Variants in ASB4 observed in about 807,000 individuals in gnomAD.
ASB4 encodes ankyrin repeat and SOCS box protein 4.
ASB4 carries 35 observed loss-of-function variants against 38.6 expected under a neutral mutation model. The ratio of observed to expected loss-of-function variants is 0.91; its 90% confidence interval spans 0.69 to 1.20. ASB4 has a LOEUF of 1.20. ASB4 is among the 50% of genes most tolerant of loss of function. The pLI is 0.00. For missense variants in ASB4, 557 were observed against 527.2 expected (o/e 1.06, Z -0.55); for synonymous variants, 195 against 201.3 (o/e 0.97, Z 0.26).
At chr7:95,542,299 A>G (rs1790981324), downstream of ASB4, 1 of 152,230 alleles carries the variant, frequency 6.6e-6, no homozygotes, top group Admixed American at 6.5e-5. Flanking sequence ...CATTTGGTTC[A>G]TCAGAAAGGA....
chr7:95,549,484 A>G, the ASB4 span, among the ~76,000 whole-genome samples: 1 of 151,658 alleles, frequency 6.6e-6, no homozygotes, highest in African/African-American at 2.4e-5. Context: ...TTTTTAGTAG[A>G]GACAGGGTTT....
chr7:95,497,047 G>A lies in ASB4; in HGVS notation c.487+990G>A, dbSNP rs372920590. On this transcript the variant is annotated intron_variant, in intron 2 of 4. Coordinates refer to ENST00000325885, the MANE Select transcript of ASB4 (RefSeq NM_016116.3). Reference sequence around the variant, plus strand: ...GAGTATCATGGGTGTGGGGTAGGGTGGGAAGGACAAGAGGGTAGAGGGGAG... The same window carrying A: ...GAGTATCATGGGTGTGGGGTAGGGTAGGAAGGACAAGAGGGTAGAGGGGAG... 3.3e-5 allele frequency among the ~76,000 whole-genome samples: 5 copies of A among 152,114 alleles called. No individual in the cohort carries two copies. In the East Asian group the frequency reaches 9.6e-4, roughly 29 times the overall value.
rs1272303853 is a variant in ASB4, at chr7:95,528,305, T to C, written c.978+2T>C. On this transcript the variant is annotated splice_donor_variant, in intron 3 of 4. Transcript: ENST00000325885. LOFTEE classifies it high-confidence loss of function. ...ATATACCCTCCACAGTTCCATAAGG[T>C]GAGGCTCTGCCCAGTGGTCAGCAGG... The C allele has an allele frequency of 6.2e-7, 1 of 1,614,052 alleles. No individual in the cohort carries two copies. The highest frequency in any genetic ancestry group is 1.1e-5 in the South Asian group (1 of 91,074).
upstream of ASB4, among the ~76,000 whole-genome samples, chr7:95,484,124 C>T (rs1462000400): frequency 6.7e-6 from 1 of 148,696 alleles, no homozygotes; most frequent in Non-Finnish European, 1.5e-5. Context: ...ACTTAGGAGT[C>T]GGAGATCAGC....
chr7:95,516,998 G>A (rs1790592977), intron 2 of ASB4, among the ~76,000 whole-genome samples: 1 of 152,146 alleles, frequency 6.6e-6, no homozygotes, highest in South Asian at 2.1e-4. Context: ...GTCTCCACTG[G>A]ATGTTTAGTT....
chr7:95,540,824 A>C (rs1275560609), downstream of ASB4, among the ~76,000 whole-genome samples: 4 of 152,154 alleles, frequency 2.6e-5, no homozygotes. Context: ...TTCTAAACCC[A>C]GTGGGTTCTG....
In ASB4 at chr7:95,515,279, T is replaced by TTC. The variant is rs1205120940; in HGVS notation, c.488-12532_488-12531dup. Among the ~76,000 whole-genome samples the TTC allele has an allele frequency of 2.0e-3, 210 of 103,880 alleles. 2 individuals are homozygous for TTC. Among genetic ancestry groups the TTC allele is most frequent in the African/African-American group, 7.5e-3 (192 of 25,454 alleles). The allele number at this position is 103,880 out of a possible 152,430, so 68.1% of individuals were successfully genotyped here. On this transcript the variant is annotated intron_variant, in intron 2 of 4. Coordinates refer to ENST00000325885, the MANE Select transcript of ASB4 (RefSeq NM_016116.3). ...TCTTTCTTTCTTTCTCTTTCTTTCTTTCTTTCTTTCTTTCTTTCTTTCTTT... is the reference window on the plus strand; with the variant it reads ...TCTTTCTTTCTTTCTCTTTCTTTCTTTCTCTTTCTTTCTTTCTTTCTTTCTTT...
intron 2 of ASB4, among the ~76,000 whole-genome samples, chr7:95,514,040 A>G (rs73235076): frequency 0.011 from 1,675 of 152,318 alleles, 10 homozygotes; most frequent in Non-Finnish European, 0.017. Flanking sequence ...GTGCACTCAC[A>G]TGATCTCATC....
chr7:95,482,117 A>G (rs115266238), upstream of ASB4, among the ~76,000 whole-genome samples: 787 of 152,346 alleles, frequency 5.2e-3, 6 homozygotes, highest in African/African-American at 0.018. Context: ...GTAGGTGCAA[A>G]TAATCTGTAA....
In ASB4 at chr7:95,538,634, C is replaced by T. The variant is rs541592516; in HGVS notation, c.*875C>T. 2.6e-5 allele frequency: 4 copies of T among 152,242 alleles called. No homozygotes were observed. The East Asian group carries it at 7.7e-4, about 29-fold the overall frequency. 9.4% of individuals were successfully genotyped at this position (152,242 alleles called of 1,614,324 possible). A position where few individuals can be genotyped will look rare whatever the true frequency, so the allele number is the denominator to read the frequency against. On this transcript the variant is annotated 3_prime_UTR_variant, in exon 5 of 5. Coordinates refer to ENST00000325885, the MANE Select transcript of ASB4 (RefSeq NM_016116.3). Reference sequence around the variant, plus strand: ...GGGGTTATGTAAAGTAGAGGGATCTCCTGCTCTTGTTAGGGTATTTTTAAG... The same window carrying T: ...GGGGTTATGTAAAGTAGAGGGATCTTCTGCTCTTGTTAGGGTATTTTTAAG...
At chr7:95,511,675 T>TA (rs1286676649) in intron 2 of ASB4, among the ~76,000 whole-genome samples, 16 of 150,376 alleles carry the variant, frequency 1.1e-4, no homozygotes, top group African/African-American at 4.0e-4. Flanking sequence ...AAAAAAAAAA[T>TA]AAATAAATAA....
At chr7:95,471,212 C>T in the ASB4 span, among the ~76,000 whole-genome samples, 29 of 152,290 alleles carry the variant, frequency 1.9e-4, no homozygotes, top group Admixed American at 1.6e-3. Flanking sequence ...GGAAAAAAGA[C>T]GCACGTCCCC....
In ASB4 at chr7:95,527,946, C is replaced by T; in HGVS notation, c.621C>T (p.His207=). The T allele has an allele frequency of 1.2e-6, 2 of 1,614,188 alleles. No individual in the cohort carries two copies. The highest frequency in any genetic ancestry group is 1.1e-5 in the South Asian group (1 of 91,086). ...HGAIVDSVNA[H]METPLAIAAY... The stretch of plus-strand genomic sequence containing the variant: ...CCATAGTGGACAGCGTGAATGCCCA[C>T]ATGGAGACCCCCCTGGCCATCGCCG... The change falls in exon 3 of 5, where the codon CAC becomes CAT. Residue 207 remains histidine, a synonymous_variant. Transcript: ENST00000325885.
chr7:95,504,213 A>C (rs1231122102), intron 2 of ASB4, among the ~76,000 whole-genome samples: 3 of 152,186 alleles, frequency 2.0e-5, no homozygotes, highest in Non-Finnish European at 4.4e-5. Flanking sequence ...TGACAGTAGG[A>C]GGAAAATTTG....
At chr7:95,524,721 T>C (rs1453036808) in intron 2 of ASB4, among the ~76,000 whole-genome samples, 4 of 152,160 alleles carry the variant, frequency 2.6e-5, no homozygotes, top group African/African-American at 7.2e-5. Context: ...CCTATTGCAG[T>C]ATGACTGGTG....
At chr7:95,533,210 T>A (rs568550769) in intron 3 of ASB4, among the ~76,000 whole-genome samples, 1 of 152,256 alleles carries the variant, frequency 6.6e-6, no homozygotes, top group East Asian at 1.9e-4. Context: ...ATAAATTCAG[T>A]TTGGGGGTAG....
At chr7:95,514,969 T>C (rs1191690164) in intron 2 of ASB4, among the ~76,000 whole-genome samples, 1 of 152,228 alleles carries the variant, frequency 6.6e-6, no homozygotes, top group Non-Finnish European at 1.5e-5. Flanking sequence ...TAAACCTTTA[T>C]GTAGCCATAG....
At chr7:95,510,964 A>G (rs1027382634) in intron 2 of ASB4, among the ~76,000 whole-genome samples, 1 of 152,174 alleles carries the variant, frequency 6.6e-6, no homozygotes, top group Non-Finnish European at 1.5e-5. Context: ...TTAAATACCC[A>G]TTTAGCAAAA....
chr7:95,470,686 G>T, the ASB4 span, among the ~76,000 whole-genome samples: 1 of 152,098 alleles, frequency 6.6e-6, no homozygotes, highest in African/African-American at 2.4e-5. Flanking sequence ...TTTGCTGTTT[G>T]GACAGGCCTG....
Sources: allele counts gnomAD v4.1 joint callset (sites outside exome capture counted in the v4.1 genomes callset), GRCh38; gene constraint gnomAD v4.1.1; transcripts MANE v1.5; gene names NCBI Gene and HGNC (gene_info 2026-07-23, HGNC 2026-07-21).